Variants in EBF2 observed in about 807,000 individuals in gnomAD.
EBF2 encodes EBF transcription factor 2, also known as transcription factor COE2.
EBF2 carries 21 observed loss-of-function variants against 72.8 expected under a neutral mutation model. The observed-to-expected ratio is 0.29, with a 90% CI of 0.20 to 0.42. The LOEUF (loss-of-function observed/expected upper bound fraction) is 0.42, where lower values mean the gene tolerates loss of function less well. Ranked by LOEUF, EBF2 falls within the 10% of genes least tolerant of loss-of-function variation. The pLI is 1.00. For missense variants in EBF2, 637 were observed against 731.2 expected (o/e 0.87, Z 1.49); for synonymous variants, 299 against 274.2 (o/e 1.09, Z -0.89).
At chr8:25,984,897 C>T (rs963423763) in intron 6 of EBF2, among the ~76,000 whole-genome samples, 1 of 150,906 alleles carries the variant, frequency 6.6e-6, no homozygotes, top group Non-Finnish European at 1.5e-5. Flanking sequence ...ATCCACCCAC[C>T]TCCTGAAACT....
In EBF2 at chr8:25,857,981, A is replaced by G. The variant is rs146016478; in HGVS notation, c.1528+338T>C. On this transcript the variant is annotated intron_variant, in intron 14 of 15. Coordinates refer to ENST00000520164, the MANE Select transcript of EBF2 (RefSeq NM_022659.4). ...GAAAAGTTCTTATGGAGATTAAATA[A>G]AATATTACATCTGAAAGTGCCTAAG... 305 of 410,710 alleles carry G rather than the reference A, an allele frequency of 7.4e-4. 1 individual carries two copies. The highest frequency in any genetic ancestry group is 6.0e-3 in the African/African-American group (291 of 48,638). The allele number at this position is 410,710 out of a possible 1,614,324, so 25.4% of individuals were successfully genotyped here. A position where few individuals can be genotyped will look rare whatever the true frequency, so the allele number is the denominator to read the frequency against.
chr8:25,929,122 T>A, intron 6 of EBF2, among the ~76,000 whole-genome samples: 1 of 152,226 alleles, frequency 6.6e-6, no homozygotes, highest in Non-Finnish European at 1.5e-5. Context: ...TAATGCTTCC[T>A]CAGTGTTGAG....
At chr8:26,024,887 TA>T (rs1477454880) in intron 6 of EBF2, among the ~76,000 whole-genome samples, 2 of 152,212 alleles carry the variant, frequency 1.3e-5, no homozygotes, top group Non-Finnish European at 2.9e-5. Flanking sequence ...CATCAAGATT[TA>T]AATGCCATGT....
In EBF2 at chr8:25,893,271, A is replaced by ATTTT. The variant is rs201829098; in HGVS notation, c.634-3406_634-3403dup. ...GGGTGCTTTGGGCTTTAATTCTTCC[A>ATTTT]TTTTTTTTTTTTTTTTTTTTTTTTT... On this transcript the variant is annotated intron_variant, in intron 7 of 15. Transcript: ENST00000520164. Among the ~76,000 whole-genome samples, 44 of 111,436 alleles carry ATTTT rather than the reference A, an allele frequency of 3.9e-4. 2 individuals carry two copies. Among genetic ancestry groups the ATTTT allele is most frequent in the Admixed American group, 3.6e-4 (4 of 11,094 alleles). The allele number at this position is 111,436 out of a possible 152,430, so 73.1% of individuals were successfully genotyped here. A position where few individuals can be genotyped will look rare whatever the true frequency, so the allele number is the denominator to read the frequency against.
At chr8:25,936,343 T>C (rs1038059257) in intron 6 of EBF2, among the ~76,000 whole-genome samples, 40 of 152,324 alleles carry the variant, frequency 2.6e-4, no homozygotes, top group African/African-American at 9.4e-4. Flanking sequence ...GGACGTGGGC[T>C]GCAGTTCTAA....
At chr8:25,916,330 A>T (rs1272935028) in intron 6 of EBF2, among the ~76,000 whole-genome samples, 2 of 151,832 alleles carry the variant, frequency 1.3e-5, no homozygotes. Flanking sequence ...ACAAAAAACA[A>T]CAACAACAAA....
chr8:25,975,040 C>A (rs1458712466), intron 6 of EBF2, among the ~76,000 whole-genome samples: 1 of 152,090 alleles, frequency 6.6e-6, no homozygotes, highest in Non-Finnish European at 1.5e-5. Context: ...AGAGATTAAT[C>A]AGAGACCACA....
chr8:26,022,825 C>G (rs945050530), intron 6 of EBF2, among the ~76,000 whole-genome samples: 2 of 152,158 alleles, frequency 1.3e-5, no homozygotes, highest in African/African-American at 2.4e-5. Context: ...AATGCTGACT[C>G]CTTATAGGCT....
intron 6 of EBF2, among the ~76,000 whole-genome samples, chr8:26,002,764 G>T (rs1266525145): frequency 6.6e-6 from 1 of 152,166 alleles, no homozygotes; most frequent in African/African-American, 2.4e-5. Context: ...TGGGTGTGAA[G>T]CCTCTTCTAA....
At chr8:25,968,156 T>C (rs1804141955) in intron 6 of EBF2, among the ~76,000 whole-genome samples, 1 of 152,098 alleles carries the variant, frequency 6.6e-6, no homozygotes, top group African/African-American at 2.4e-5. Flanking sequence ...TCTCGGTGAA[T>C]CATGATCGAG....
In EBF2 at chr8:25,937,183, G is replaced by A. The variant is rs575648246; in HGVS notation, c.552-28628C>T. Among the ~76,000 whole-genome samples, 9 of 152,320 alleles carry A rather than the reference G, an allele frequency of 5.9e-5. No individual in the cohort carries two copies. The East Asian group carries it at 1.7e-3, about 29-fold the overall frequency. ...TGAAATGTGTTTGCAAAGCCATGAT[G>A]TCTTTTCTCTTCATTTATTAACACA... On this transcript the variant is annotated intron_variant, in intron 6 of 15. Transcript: ENST00000520164.
intron 6 of EBF2, among the ~76,000 whole-genome samples, chr8:25,917,864 G>C (rs1563400070): frequency 1.3e-5 from 2 of 152,058 alleles, no homozygotes; most frequent in Admixed American, 1.3e-4. Context: ...TGGTCCGCTG[G>C]TTTTACTGTT....
At chr8:25,949,813 A>G (rs1356275185) in intron 6 of EBF2, among the ~76,000 whole-genome samples, 2 of 152,188 alleles carry the variant, frequency 1.3e-5, no homozygotes, top group Non-Finnish European at 2.9e-5. Context: ...GCAGTCAGGA[A>G]AGTCAAAAAT....
Position 26,002,072 on chromosome 8 carries a change from A to T in EBF2, c.551+31013T>A, listed in dbSNP as rs112724174. ...AAAGGCCTCAGTATCACCCGACTTT[A>T]GCACAGACAAAGGGAACCGGGAGTT... On this transcript the variant is annotated intron_variant, in intron 6 of 15. Coordinates refer to ENST00000520164, the MANE Select transcript of EBF2 (RefSeq NM_022659.4). Among the ~76,000 whole-genome samples the T allele has an allele frequency of 3.6e-3, 551 of 152,342 alleles. 6 individuals carry two copies. The highest frequency in any genetic ancestry group is 0.013 in the African/African-American group (529 of 41,578).
At position 26,044,997 on chromosome 8, in the gene EBF2, G is replaced by GA. The variant is rs398067694; in HGVS notation, c.-139dup. 56,055 of 616,382 alleles carry GA rather than the reference G, an allele frequency of 0.091. 46 individuals carry two copies. The highest frequency in any genetic ancestry group is 0.11 in the East Asian group (2,791 of 24,408). 38.2% of individuals were successfully genotyped at this position (616,382 alleles called of 1,614,324 possible). A position where few individuals can be genotyped will look rare whatever the true frequency, so the allele number is the denominator to read the frequency against. On this transcript the variant is annotated 5_prime_UTR_variant, in exon 1 of 16. Transcript: ENST00000520164. The surrounding 1 kb of genome is among the most constrained non-coding windows in gnomAD (Gnocchi z 4.1). ...ATCAAGTGCCCAAGTTTGAGTCTTA[G>GA]AAAAAAAAAAAAGATAACCCGTCCT...
chr8:25,943,528 A>T (rs557359277), intron 6 of EBF2, among the ~76,000 whole-genome samples: 39 of 152,054 alleles, frequency 2.6e-4, no homozygotes, highest in African/African-American at 9.4e-4. Flanking sequence ...AAATTTTTTT[A>T]AATAAATGTT....
At chr8:25,932,158 C>T (rs1346581795) in intron 6 of EBF2, among the ~76,000 whole-genome samples, 1 of 152,110 alleles carries the variant, frequency 6.6e-6, no homozygotes, top group Non-Finnish European at 1.5e-5. Flanking sequence ...AGTCCCAGAA[C>T]TGCACATAAC....
chr8:25,883,299 T>G (rs1359770655), intron 10 of EBF2, among the ~76,000 whole-genome samples: 1 of 152,186 alleles, frequency 6.6e-6, no homozygotes, highest in Non-Finnish European at 1.5e-5. Context: ...TGCTACCTCC[T>G]CTGGGAAGCC....
intron 6 of EBF2, among the ~76,000 whole-genome samples, chr8:25,974,618 A>G (rs572581044): frequency 2.2e-4 from 33 of 152,336 alleles, no homozygotes; most frequent in Non-Finnish European, 4.6e-4. Flanking sequence ...AGTGATTTAA[A>G]ATATATTTTA....
Sources: gnomAD v4.1 joint callset for allele counts (sites outside exome capture counted in the v4.1 genomes callset) on GRCh38, gnomAD v4.1.1 for gene constraint, Gnocchi (gnomAD v3.1) non-coding constraint, MANE v1.5 for transcripts, NCBI Gene and HGNC (gene_info 2026-07-23, HGNC 2026-07-21) for gene names.